COQ9: variants seen among roughly 807,000 people sequenced by gnomAD.
The protein encoded by COQ9 is coenzyme Q9.
A neutral mutation model predicts 42.4 loss-of-function variants in COQ9; 35 were observed. The observed-to-expected ratio is 0.83, with a 90% CI of 0.63 to 1.10. The LOEUF (loss-of-function observed/expected upper bound fraction) is 1.10, where lower values mean the gene tolerates loss of function less well. Ranked by LOEUF, COQ9 falls within the 50% of genes least tolerant of loss-of-function variation. The probability of loss-of-function intolerance (pLI) is 0.00; values close to 1 mark genes in which losing one functional copy is unlikely to be tolerated. For synonymous variants in COQ9, 155 were observed against 155.1 expected (o/e 1.00, Z 0.00); for missense variants, 406 against 414.6 (o/e 0.98, Z 0.18).
chr16:57,456,134 T>C (rs2146590531), intron 3 of COQ9, among the ~76,000 whole-genome samples: 1 of 152,016 alleles, frequency 6.6e-6, no homozygotes, highest in Non-Finnish European at 1.5e-5. Context: ...GAGGATGAGG[T>C]TCCTTGAAGG....
chr16:57,447,595 G>T lies in COQ9; in HGVS notation c.73+17G>T. 1 of 1,256,582 alleles carries T rather than the reference G, an allele frequency of 8.0e-7. No homozygotes were observed. The highest frequency in any genetic ancestry group is 1.0e-6 in the Non-Finnish European group (1 of 998,676). The allele number at this position is 1,256,582 out of a possible 1,614,324, so 77.8% of individuals were successfully genotyped here. A position where few individuals can be genotyped will look rare whatever the true frequency, so the allele number is the denominator to read the frequency against. ...GCCTGCCCGGTGAGGGGGCTGCCAA[G>T]CCGGGGAGAGGCGGGGAGCGCGGAG... is the stretch of plus-strand genomic sequence containing the variant. On this transcript the variant is annotated intron_variant, in intron 1 of 8. Transcript: ENST00000262507.
intron 3 of COQ9, among the ~76,000 whole-genome samples, chr16:57,455,391 C>T (rs1248348953): frequency 7.1e-6 from 1 of 141,268 alleles, no homozygotes; most frequent in Non-Finnish European, 1.5e-5. Flanking sequence ...TATATGCACG[C>T]TGATTTTATA....
chr16:57,459,857 C>T, intron 7 of COQ9, 137 bp downstream of exon 7: 2 of 1,131,438 alleles, frequency 1.8e-6, no homozygotes, highest in Non-Finnish European at 2.7e-6. Context: ...GGTTCTTCCT[C>T]AGGCCAGCCC....
In COQ9 at chr16:57,447,594, A is replaced by C; in HGVS notation, c.73+16A>C. 1 of 1,256,480 alleles carries C rather than the reference A, an allele frequency of 8.0e-7. No homozygotes were observed. Among genetic ancestry groups the C allele is most frequent in the Non-Finnish European group, 1.0e-6 (1 of 998,558 alleles). The allele number at this position is 1,256,480 out of a possible 1,614,324, so 77.8% of individuals were successfully genotyped here. A position where few individuals can be genotyped will look rare whatever the true frequency, so the allele number is the denominator to read the frequency against. ...TGCCTGCCCGGTGAGGGGGCTGCCA[A>C]GCCGGGGAGAGGCGGGGAGCGCGGA... On this transcript the variant is annotated intron_variant, in intron 1 of 8. Transcript: ENST00000262507.
Position 57,447,574 on chromosome 16 carries a change from GC to G in COQ9, c.72del (p.Val25TrpfsTer20). The G allele has an allele frequency of 1.6e-6, 2 of 1,276,824 alleles. No homozygotes were observed. The highest frequency in any genetic ancestry group is 3.0e-5 in the South Asian group (1 of 33,890). 79.1% of individuals were successfully genotyped at this position (1,276,824 alleles called of 1,614,324 possible). ...GGAGGCTCCTGCAGCTGCGATGCCT[GC>G]CCGGTGAGGGGGCTGCCAAGCCGGG... ...GWRLLQLRCL[P>X]VARCRQALVP... On this transcript the variant is annotated frameshift_variant, in exon 1 of 9. Transcript: ENST00000262507. LOFTEE classifies it high-confidence loss of function.
intron 2 of COQ9, 58 bp downstream of exon 2, chr16:57,451,266 CCTT>C: frequency 6.6e-7 from 1 of 1,514,564 alleles, no homozygotes; most frequent in South Asian, 1.1e-5. Context: ...GTCTGTTCCT[CCTT>C]CACTTCCTCT....
At chr16:57,447,755 C>T in intron 1 of COQ9, 177 bp downstream of exon 1, 1 of 451,802 alleles carries the variant, frequency 2.2e-6, no homozygotes, top group Non-Finnish European at 3.6e-6. Flanking sequence ...CCCTGCTCCG[C>T]TGTCTGTGAG....
intron 5 of COQ9, 114 bp downstream of exon 5, chr16:57,457,129 T>G: frequency 2.1e-5 from 18 of 840,430 alleles, no homozygotes; most frequent in Non-Finnish European, 3.6e-5. Flanking sequence ...TCTCAATCTC[T>G]ATAAACCCGA....
At chr16:57,459,391 G>GTA (rs1442640927) in intron 6 of COQ9, among the ~76,000 whole-genome samples, 174 bp from the exon 7 acceptor site, 1 of 152,184 alleles carries the variant, frequency 6.6e-6, no homozygotes, top group Non-Finnish European at 1.5e-5. Flanking sequence ...TTTTAATCAA[G>GTA]TAGGTAATTC....
chr16:57,454,895 G>A (rs1477581790), intron 3 of COQ9, among the ~76,000 whole-genome samples: 4 of 152,174 alleles, frequency 2.6e-5, no homozygotes, highest in Non-Finnish European at 4.4e-5. Context: ...AAGGTCAGTC[G>A]AGGTCAAATC....
intron 2 of COQ9, among the ~76,000 whole-genome samples, chr16:57,452,437 T>A (rs2030309498): frequency 6.6e-6 from 1 of 152,012 alleles, no homozygotes; most frequent in African/African-American, 2.4e-5. Context: ...AGGTCAGGAG[T>A]TCGAGACCAG....
chr16:57,453,062 C>A, intron 3 of COQ9, 126 bp downstream of exon 3: 2 of 1,299,094 alleles, frequency 1.5e-6, no homozygotes, highest in Non-Finnish European at 2.2e-6. Context: ...GCAAGATTGA[C>A]TGGTTTTTTT....
chr16:57,448,774 C>A (rs1276443767), intron 1 of COQ9, among the ~76,000 whole-genome samples: 1 of 151,936 alleles, frequency 6.6e-6, no homozygotes, highest in Non-Finnish European at 1.5e-5. Flanking sequence ...ATGTCTATGA[C>A]CCCGCAAATC....
At position 57,461,212 on chromosome 16, in the gene COQ9, T is replaced by A. The variant is rs1271017603; in HGVS notation, c.*588T>A. The A allele has an allele frequency of 2.2e-6, 1 of 452,724 alleles. No individual in the cohort carries two copies. Among genetic ancestry groups the A allele is most frequent in the Non-Finnish European group, 4.4e-6 (1 of 224,788 alleles). 28.0% of individuals were successfully genotyped at this position (452,724 alleles called of 1,614,324 possible). A position where few individuals can be genotyped will look rare whatever the true frequency, so the allele number is the denominator to read the frequency against. The stretch of plus-strand genomic sequence containing the variant: ...TGGTGTCACATGACACCAGCATGCA[T>A]TGCAGGATTATTAGTGTATTTTGAG... On this transcript the variant is annotated 3_prime_UTR_variant, in exon 9 of 9. Transcript: ENST00000262507.
chr16:57,452,380 G>C (rs1439153541), intron 2 of COQ9, among the ~76,000 whole-genome samples: 6 of 152,230 alleles, frequency 3.9e-5, no homozygotes, highest in African/African-American at 1.4e-4. Context: ...GGTGGCTCGC[G>C]CCTATAATCC....
In COQ9 at chr16:57,451,069, C is replaced by T. The variant is rs769054156; in HGVS notation, c.103C>T (p.Arg35Cys). Residue 35 changes from arginine (R) to cysteine (C), a missense_variant, in exon 2 of 9, where the codon CGT becomes TGT. Transcript: ENST00000262507. ...VARCRQALVP[R>C]AFHASAVGLR... ...CCGTTGCCGACAAGCCCTGGTGCCG[C>T]GTGCCTTCCATGCTTCAGCTGTGGG... 1.7e-5 allele frequency: 27 copies of T among 1,614,126 alleles called. No homozygotes were observed. The highest frequency in any genetic ancestry group is 5.5e-5 in the South Asian group (5 of 91,076).
At chr16:57,457,364 T>C in intron 5 of COQ9, 1 of 375,868 alleles carries the variant, frequency 2.7e-6, no homozygotes, top group Non-Finnish European at 5.1e-6. Flanking sequence ...CTGTCTTCAC[T>C]TGAATAACAG....
chr16:57,448,202 C>T (rs1172738975), intron 1 of COQ9, among the ~76,000 whole-genome samples: 1 of 152,226 alleles, frequency 6.6e-6, no homozygotes, highest in Non-Finnish European at 1.5e-5. Flanking sequence ...CTAAAATCTT[C>T]TCATGACCCT....
Position 57,461,160 on chromosome 16 carries a change from T to G in COQ9, c.*536T>G. 1 of 455,894 alleles carries G rather than the reference T, an allele frequency of 2.2e-6. No individual in the cohort carries two copies. The highest frequency in any genetic ancestry group is 4.4e-6 in the Non-Finnish European group (1 of 226,790). The allele number at this position is 455,894 out of a possible 1,614,324, so 28.2% of individuals were successfully genotyped here. Reference sequence around the variant, plus strand: ...AACTGCCTCACCTGAGACAAGTGCCTGCTGGACAGAGGTGTGATTCCAGGC... The same window carrying G: ...AACTGCCTCACCTGAGACAAGTGCCGGCTGGACAGAGGTGTGATTCCAGGC... On this transcript the variant is annotated 3_prime_UTR_variant, in exon 9 of 9. Coordinates refer to ENST00000262507, the MANE Select transcript of COQ9 (RefSeq NM_020312.4).
Sources: gnomAD v4.1 joint callset for allele counts (sites outside exome capture counted in the v4.1 genomes callset) on GRCh38, gnomAD v4.1.1 for gene constraint, MANE v1.5 for transcripts, NCBI Gene and HGNC (gene_info 2026-07-23, HGNC 2026-07-21) for gene names.